Variants in ATXN3 observed in about 807,000 individuals in gnomAD.
ATXN3 encodes ataxin 3, also known as ataxin-3.
In ATXN3, 28 loss-of-function variants were observed where a neutral mutation model predicts 58.2. That is an observed-to-expected ratio of 0.48 (90% CI 0.36 to 0.66). The LOEUF (loss-of-function observed/expected upper bound fraction) is 0.66, where lower values mean the gene tolerates loss of function less well. Ranked by LOEUF, ATXN3 falls within the 30% of genes least tolerant of loss-of-function variation. The pLI is 0.00. For synonymous variants in ATXN3, 113 were observed against 138.5 expected, an observed-to-expected ratio of 0.82 and a Z score of 1.29; for missense variants, 321 against 422.1, an observed-to-expected ratio of 0.76 and a Z score of 2.10.
chr14:92,045,713 G>A (rs1469409759), intron 2 of ATXN3, among the ~76,000 whole-genome samples: 2 of 152,184 alleles, frequency 1.3e-5, no homozygotes, highest in Non-Finnish European at 2.9e-5. Context: ...ACATGGAAGA[G>A]GTTATGAAAT....
intron 1 of ATXN3, among the ~76,000 whole-genome samples, chr14:92,103,110 TA>T (rs11388890): frequency 0.12 from 15,917 of 131,514 alleles, 853 homozygotes; most frequent in South Asian, 0.2. Context: ...GCAAGAGGAT[TA>T]AAAAAAAAAA....
chr14:92,104,592 T>G (rs2067725655), intron 1 of ATXN3, among the ~76,000 whole-genome samples: 1 of 152,198 alleles, frequency 6.6e-6, no homozygotes. Flanking sequence ...AGGCCTTCCA[T>G]GTTGAAATGT....
intron 1 of ATXN3, among the ~76,000 whole-genome samples, chr14:92,049,249 G>A (rs1399842794): frequency 6.6e-6 from 1 of 152,162 alleles, no homozygotes; most frequent in Non-Finnish European, 1.5e-5. Context: ...TAAAGAGAAA[G>A]GTAGAGACAC....
chr14:92,055,903 G>A (rs1046019711), downstream of ATXN3, among the ~76,000 whole-genome samples: 2 of 152,214 alleles, frequency 1.3e-5, no homozygotes, highest in Non-Finnish European at 2.9e-5. The surrounding 1 kb of genome is among the most constrained non-coding windows in gnomAD (Gnocchi z 4.5). Context: ...AGAGGTTGCC[G>A]TGAGCCAAGA....
At chr14:92,073,117 A>T (rs1220355558) in intron 9 of ATXN3, among the ~76,000 whole-genome samples, 1 of 152,258 alleles carries the variant, frequency 6.6e-6, no homozygotes, top group African/African-American at 2.4e-5. Flanking sequence ...CCTCCACTCA[A>T]GAAGGTATGT....
Position 92,083,208 on chromosome 14 carries a change from G to T in ATXN3, c.526C>A (p.Gln176Lys). ...KGDLPDCEADQLLQMIRVQQM... is the reference protein window; with the variant it reads ...KGDLPDCEADKLLQMIRVQQM... The stretch of plus-strand genomic sequence containing the variant: ...TGGACCCTAATCATCTGCAGGAGTT[G>T]GTCAGCTTCGCAATCTGGCAGATCA... The change falls in exon 7 of 11, where the codon CAA becomes AAA. Residue 176 changes from glutamine to lysine, a missense_variant. Physicochemically the swap from Gln to Lys is moderately conservative, Grantham distance 53. Around this residue, in one of 2 missense-constraint regions of ATXN3, gnomAD observed 200 missense variants for 223.2 expected, o/e 0.90. Coordinates refer to ENST00000644486, the MANE Select transcript of ATXN3 (RefSeq NM_004993.6). 1 of 1,613,520 alleles carries T rather than the reference G, an allele frequency of 6.2e-7. No homozygotes were observed. The highest frequency in any genetic ancestry group is 1.1e-5 in the South Asian group (1 of 90,950).
At position 92,081,014 on chromosome 14, in the gene ATXN3, T is replaced by G; in HGVS notation, c.823A>C (p.Asn275His). Reference sequence around the variant, plus strand: ...TTCCGAAGCTCTTCTGAAGTAAGATTTGTACCTGATGTCTGTGTCATATCT... The same window carrying G: ...TTCCGAAGCTCTTCTGAAGTAAGATGTGTACCTGATGTCTGTGTCATATCT... Reference protein sequence around the residue: ...SQDMTQTSGTNLTSEELRKRR... With the variant: ...SQDMTQTSGTHLTSEELRKRR... Residue 275 changes from asparagine to histidine, a missense_variant, in exon 9 of 11, where the codon AAT (asparagine) becomes CAT (histidine). Asn to His is a moderately conservative substitution (Grantham distance 68). Around this residue, in one of 2 missense-constraint regions of ATXN3, gnomAD observed 200 missense variants for 223.2 expected, o/e 0.90. Coordinates refer to ENST00000644486, the MANE Select transcript of ATXN3 (RefSeq NM_004993.6). The G allele has an allele frequency of 6.2e-7, 1 of 1,612,942 alleles. No homozygotes were observed. Among genetic ancestry groups the G allele is most frequent in the Non-Finnish European group, 8.5e-7 (1 of 1,179,246 alleles).
intron 1 of ATXN3, among the ~76,000 whole-genome samples, chr14:92,104,313 TG>T (rs1464500519): frequency 1.3e-5 from 2 of 152,100 alleles, no homozygotes; most frequent in African/African-American, 2.4e-5. Context: ...GCTAATTTTT[TG>T]TATTTTTAGT....
intron 10 of ATXN3, 68 bp downstream of exon 10, chr14:92,070,867 C>T (rs1190060123): frequency 6.2e-7 from 1 of 1,612,372 alleles, no homozygotes; most frequent in Non-Finnish European, 8.5e-7. Context: ...AAGCAAAAAT[C>T]ACATGGAGCT....
Position 92,096,723 on chromosome 14 carries a change from C to G in ATXN3, c.140G>C (p.Arg47Thr), listed in dbSNP as rs1411034402. The change falls in exon 2 of 11, where the codon AGA becomes ACA. Residue 47 changes from arginine (R) to threonine (T), a missense_variant. This residue lies in a region of ATXN3 where 121 missense variants were observed against 198.9 expected (regional missense o/e 0.61). Coordinates refer to ENST00000644486, the MANE Select transcript of ATXN3 (RefSeq NM_004993.6). ...AHQLDEEERM[R>T]MAEGGVTSED... ...ACTAGTAACTCCTCCTTCTGCCATTCTCATCCTCTCCTCCTCATCCAGCTG... is the reference window on the plus strand; with the variant it reads ...ACTAGTAACTCCTCCTTCTGCCATTGTCATCCTCTCCTCCTCATCCAGCTG... The G allele has an allele frequency of 4.3e-6, 7 of 1,613,836 alleles. No individual in the cohort carries two copies. The highest frequency in any genetic ancestry group is 5.9e-6 in the Non-Finnish European group (7 of 1,179,948).
At chr14:92,071,603 A>AG in intron 9 of ATXN3, 1 of 276,438 alleles carries the variant, frequency 3.6e-6, no homozygotes, top group Non-Finnish European at 7.1e-6. Flanking sequence ...TCTCAAAAAA[A>AG]CAACAAACAA....
chr14:92,057,837 T>C (rs1595429579), downstream of ATXN3, among the ~76,000 whole-genome samples: 1 of 152,208 alleles, frequency 6.6e-6, no homozygotes, highest in Non-Finnish European at 1.5e-5. Context: ...AAAAATCAGT[T>C]GAGCAAACAT....
At chr14:92,087,790 A>G (rs1349381805) in intron 6 of ATXN3, among the ~76,000 whole-genome samples, 3 of 152,244 alleles carry the variant, frequency 2.0e-5, no homozygotes, top group African/African-American at 4.8e-5. Context: ...CATGGTTTAA[A>G]GATAGGAGGT....
At chr14:92,051,325 A>G (rs1450203099), upstream of ATXN3, among the ~76,000 whole-genome samples, 1 of 152,164 alleles carries the variant, frequency 6.6e-6, no homozygotes, top group African/African-American at 2.4e-5. Flanking sequence ...ACAATTTTCC[A>G]TTACTACAGA....
chr14:92,090,600 T>C (rs1357440289), intron 5 of ATXN3: 2 of 152,154 alleles, frequency 1.3e-5, no homozygotes, highest in Non-Finnish European at 2.9e-5. Context: ...TAGTGAAAAA[T>C]ATAGTTTTAA....
chr14:92,082,204 A>C (rs546611585), intron 8 of ATXN3, 96 bp downstream of exon 8: 1 of 1,369,348 alleles, frequency 7.3e-7, no homozygotes, highest in Admixed American at 2.3e-5. Flanking sequence ...GTAATTGTCA[A>C]AACACCTCTA....
intron 6 of ATXN3, among the ~76,000 whole-genome samples, chr14:92,088,291 C>T (rs989780693): frequency 3.9e-5 from 6 of 152,036 alleles, no homozygotes; most frequent in Admixed American, 3.3e-4. Context: ...AGGATGGTCT[C>T]GATCTCCTGA....
At chr14:92,057,589 C>T (rs900580685), downstream of ATXN3, among the ~76,000 whole-genome samples, 6 of 152,222 alleles carry the variant, frequency 3.9e-5, no homozygotes, top group East Asian at 1.2e-3. Flanking sequence ...CAAGAACCCT[C>T]TCTTGGGGTC....
At chr14:92,095,688 T>C (rs2065039539) in intron 3 of ATXN3, among the ~76,000 whole-genome samples, 1 of 151,040 alleles carries the variant, frequency 6.6e-6, no homozygotes, top group Non-Finnish European at 1.5e-5. Flanking sequence ...CCAGGTGCAG[T>C]GGCTCACACC....
Sources: allele counts gnomAD v4.1 joint callset (sites outside exome capture counted in the v4.1 genomes callset), GRCh38; gene constraint gnomAD v4.1.1; regional missense constraint gnomAD v4.1.1; non-coding constraint Gnocchi (gnomAD v3.1); transcripts MANE v1.5; gene names NCBI Gene and HGNC (gene_info 2026-07-23, HGNC 2026-07-21).